PMPCB: variants seen among roughly 807,000 people sequenced by gnomAD.
PMPCB encodes the protein peptidase, mitochondrial processing subunit beta.
Under a neutral mutation model 61.5 loss-of-function variants are expected in PMPCB, and 46 were observed. The observed-to-expected ratio is 0.75, with a 90% confidence interval of 0.59 to 0.96. PMPCB has a LOEUF of 0.96. Ranked by LOEUF, PMPCB falls within the 40% of genes least tolerant of loss-of-function variation. PMPCB has a pLI of 0.00. For synonymous variants in PMPCB, 191 were observed against 201.6 expected, an observed-to-expected ratio of 0.95 and a Z score of 0.44; for missense variants, 590 against 602.4, an observed-to-expected ratio of 0.98 and a Z score of 0.22.
chr7:103,297,747 G>A, intron 1 of PMPCB, 189 bp downstream of exon 1: 1 of 1,534,060 alleles, frequency 6.5e-7, no homozygotes, highest in Non-Finnish European at 8.7e-7. Context: ...CACCCGCCAG[G>A]AGACCTGCTA....
chr7:103,316,791 C>T, downstream of PMPCB: 1 of 1,542,046 alleles, frequency 6.5e-7, no homozygotes. Flanking sequence ...TCTCCAGGCT[C>T]CAGTGTGAGT....
intron 4 of PMPCB, among the ~76,000 whole-genome samples, chr7:103,303,011 G>A (rs530471686): frequency 3.9e-5 from 6 of 152,066 alleles, no homozygotes; most frequent in African/African-American, 1.2e-4. Flanking sequence ...GGAGAGGTAT[G>A]CGCTTTTTCT....
the PMPCB span, among the ~76,000 whole-genome samples, chr7:103,342,550 C>G: frequency 1.3e-5 from 2 of 151,696 alleles, no homozygotes; most frequent in African/African-American, 4.8e-5. Flanking sequence ...GGTGATCTGC[C>G]TGCCTCGGCC....
intron 1 of PMPCB, 149 bp downstream of exon 1, chr7:103,297,707 T>C: frequency 1.3e-6 from 2 of 1,535,600 alleles, no homozygotes; most frequent in Non-Finnish European, 1.7e-6. Context: ...CTGGGGCTGC[T>C]GAACTGGCCG....
chr7:103,299,261 C>T (rs911556500), intron 2 of PMPCB, among the ~76,000 whole-genome samples, 182 bp from the exon 3 acceptor site: 2 of 152,160 alleles, frequency 1.3e-5, no homozygotes, highest in African/African-American at 4.8e-5. Flanking sequence ...TAGCACCCAG[C>T]AGTATCCTGA....
chr7:103,312,511 T>G lies in PMPCB; in HGVS notation c.*240T>G. The G allele has an allele frequency of 5.1e-6, 8 of 1,583,802 alleles. No individual in the cohort carries two copies. The highest frequency in any genetic ancestry group is 6.0e-6 in the Non-Finnish European group (7 of 1,169,376). Reference sequence around the variant, plus strand: ...ATTACCATGAGTATAATTTTAAGAATGAAAATGTTTACAGTATTTTCAGTT... The same window carrying G: ...ATTACCATGAGTATAATTTTAAGAAGGAAAATGTTTACAGTATTTTCAGTT... On this transcript the variant is annotated 3_prime_UTR_variant, in exon 13 of 13. Transcript: ENST00000249269.
In PMPCB at chr7:103,314,116, G is replaced by C; in HGVS notation, c.*1845G>C. 1.0e-6 allele frequency: 1 copy of C among 985,370 alleles called. No homozygotes were observed. The highest frequency in any genetic ancestry group is 1.2e-6 in the Non-Finnish European group (1 of 829,924). The allele number at this position is 985,370 out of a possible 1,614,324, so 61.0% of individuals were successfully genotyped here. The stretch of plus-strand genomic sequence containing the variant: ...TGATGGTACCTAAGGTGCCTAAGAA[G>C]CTTTTTTGAAGGTAGCTTTTAAGTT... On this transcript the variant is annotated 3_prime_UTR_variant, in exon 13 of 13. Transcript: ENST00000249269.
chr7:103,334,286 G>T (rs1481078416), downstream of PMPCB, among the ~76,000 whole-genome samples: 2 of 151,532 alleles, frequency 1.3e-5, no homozygotes, highest in African/African-American at 4.8e-5. Context: ...TTTTGGCTGG[G>T]CACGGTGGCT....
intron 12 of PMPCB, chr7:103,322,578 G>T: frequency 6.2e-7 from 1 of 1,604,422 alleles, no homozygotes; most frequent in Non-Finnish European, 8.5e-7. Context: ...TTCTTTCTTG[G>T]CTTTTTCTTC....
chr7:103,317,078 CT>C, downstream of PMPCB: 1 of 1,410,160 alleles, frequency 7.1e-7, no homozygotes. Flanking sequence ...CACTCTCTTC[CT>C]GGCTAGGGCT....
intron 7 of PMPCB, among the ~76,000 whole-genome samples, chr7:103,308,106 A>G (rs80080690): frequency 2.5e-3 from 382 of 152,280 alleles, no homozygotes; most frequent in Middle Eastern, 0.014. Context: ...TTTTGCCCAC[A>G]GTATGTTTTG....
At chr7:103,344,798 T>A in the PMPCB span, 3 of 647,550 alleles carry the variant, frequency 4.6e-6, no homozygotes, top group Non-Finnish European at 8.1e-6. Flanking sequence ...TTTCGTGGTG[T>A]GGAGGCCAGT....
At chr7:103,326,589 C>T in intron 12 of PMPCB, 5 of 1,613,904 alleles carry the variant, frequency 3.1e-6, no homozygotes, top group Non-Finnish European at 4.2e-6. Context: ...AAGAAATTAT[C>T]CTTTGCTTCA....
intron 12 of PMPCB, chr7:103,322,732 T>A (rs1818488300): frequency 6.2e-7 from 1 of 1,611,500 alleles, no homozygotes; most frequent in Non-Finnish European, 8.5e-7. Context: ...GTTCATTTCT[T>A]CTTTTTTTCT....
intron 6 of PMPCB, among the ~76,000 whole-genome samples, chr7:103,307,244 A>T (rs6954333): frequency 0.022 from 3,265 of 151,026 alleles, 135 homozygotes; most frequent in African/African-American, 0.071. Flanking sequence ...CCACTAAAAA[A>T]TTTTTTTTTT....
chr7:103,331,206 C>T (rs1249177553), downstream of PMPCB, among the ~76,000 whole-genome samples: 2 of 152,204 alleles, frequency 1.3e-5, no homozygotes, highest in Non-Finnish European at 2.9e-5. Context: ...GATCCGCCTG[C>T]CTCGGCCTCC....
intron 12 of PMPCB, chr7:103,319,751 T>C (rs1214025924): frequency 1.2e-6 from 2 of 1,614,206 alleles, no homozygotes; most frequent in Non-Finnish European, 1.7e-6. Flanking sequence ...GTTCCATAGG[T>C]ATACCTTGCC....
chr7:103,344,279 G>A, the PMPCB span: 1 of 522,376 alleles, frequency 1.9e-6, no homozygotes, highest in Admixed American at 3.5e-5. Context: ...GGGTGCTGGG[G>A]GGTTCCGTCC....
chr7:103,344,753 A>C, the PMPCB span: 3 of 904,216 alleles, frequency 3.3e-6, no homozygotes, highest in South Asian at 2.9e-5. Context: ...GAACCGGCGC[A>C]TGGAGACGAC....
Sources: gnomAD v4.1 joint callset for allele counts (sites outside exome capture counted in the v4.1 genomes callset) on GRCh38, gnomAD v4.1.1 for gene constraint, MANE v1.5 for transcripts, NCBI Gene and HGNC (gene_info 2026-07-23, HGNC 2026-07-21) for gene names.